The following SLC16A4 variants were observed in gnomAD, a reference collection of about 807,000 sequenced individuals.
The protein encoded by SLC16A4 is probable monocarboxylate transporter 5.
A neutral mutation model predicts 47.9 loss-of-function variants in SLC16A4; 39 were observed. The ratio of observed to expected loss-of-function variants is 0.81; its 90% CI spans 0.63 to 1.06. The LOEUF is 1.06. SLC16A4 is among the 50% of genes least tolerant of loss of function. SLC16A4 has a pLI of 0.00. For missense variants in SLC16A4, 524 were observed against 573.8 expected, an observed-to-expected ratio of 0.91 and a Z score of 0.89; for synonymous variants, 189 against 199.9, an observed-to-expected ratio of 0.95 and a Z score of 0.46.
At chr1:110,374,188 C>T (rs1022987911) in intron 8 of SLC16A4, among the ~76,000 whole-genome samples, 2 of 152,004 alleles carry the variant, frequency 1.3e-5, no homozygotes, top group African/African-American at 2.4e-5. Context: ...TTATAGGCAT[C>T]TGCCATTACA....
chr1:110,379,460 C>A, intron 5 of SLC16A4, 104 bp from the exon 6 acceptor site: 1 of 1,045,680 alleles, frequency 9.6e-7, no homozygotes. Context: ...CCCATTAATT[C>A]TTGAAAACAT....
chr1:110,364,736 C>G (rs142770868), intron 8 of SLC16A4, among the ~76,000 whole-genome samples: 1,827 of 152,130 alleles, frequency 0.012, 50 homozygotes, highest in African/African-American at 0.042. Context: ...GTCTTGAACT[C>G]CTGACCTCCA....
chr1:110,380,847 A>G (rs1662339325), intron 5 of SLC16A4, 135 bp downstream of exon 5: 1 of 751,436 alleles, frequency 1.3e-6, no homozygotes, highest in East Asian at 2.5e-5. Flanking sequence ...TACTTTAGAA[A>G]TTATGCTCAT....
intron 2 of SLC16A4, among the ~76,000 whole-genome samples, chr1:110,385,041 C>G (rs1453148538): frequency 6.6e-6 from 1 of 152,056 alleles, no homozygotes; most frequent in Non-Finnish European, 1.5e-5. Flanking sequence ...AACCACAAAG[C>G]CTTAGGTTCC....
At chr1:110,374,338 G>C (rs1224554645) in intron 8 of SLC16A4, among the ~76,000 whole-genome samples, 1 of 152,164 alleles carries the variant, frequency 6.6e-6, no homozygotes, top group East Asian at 1.9e-4. Context: ...ACTGCGCCTG[G>C]CCCCTTTCTC....
chr1:110,364,880 T>C (rs1211013583), intron 8 of SLC16A4, among the ~76,000 whole-genome samples: 1 of 152,030 alleles, frequency 6.6e-6, no homozygotes, highest in Non-Finnish European at 1.5e-5. Context: ...ATACTAAAAC[T>C]TAAGCGAAAC....
At chr1:110,373,592 G>A (rs1053188030) in intron 8 of SLC16A4, among the ~76,000 whole-genome samples, 20 of 151,764 alleles carry the variant, frequency 1.3e-4, no homozygotes, top group African/African-American at 4.8e-4. Context: ...AGAGTTGGTT[G>A]CATATTTATG....
Position 110,375,545 on chromosome 1 carries a change from G to A in SLC16A4, c.1249C>T (p.Leu417=). 6.3e-7 allele frequency: 1 copy of A among 1,588,422 alleles called. No individual in the cohort carries two copies. Among genetic ancestry groups the A allele is most frequent in the Non-Finnish European group, 8.6e-7 (1 of 1,156,772 alleles). ...CTGTTTACTGTAGAATTCCTACACAGATCAACCTGTAGGAATTAGAATTCA... is the reference window on the plus strand; with the variant it reads ...CTGTTTACTGTAGAATTCCTACACAAATCAACCTGTAGGAATTAGAATTCA... The part of the protein sequence containing the change: ...LALILPVLVD[L]CRNSTVNRFL... The change falls in exon 8 of 9, where the codon CTG becomes TTG. Residue 417 remains leucine, a synonymous_variant. Coordinates refer to ENST00000369779, the MANE Select transcript of SLC16A4 (RefSeq NM_004696.3).
chr1:110,382,520 A>G (rs1477067348), intron 3 of SLC16A4, among the ~76,000 whole-genome samples: 1 of 152,186 alleles, frequency 6.6e-6, no homozygotes, highest in Non-Finnish European at 1.5e-5. Context: ...TTCATGGCCT[A>G]ACTTCCAGGT....
At chr1:110,386,127 G>A (rs1390095023) in intron 2 of SLC16A4, among the ~76,000 whole-genome samples, 1 of 152,202 alleles carries the variant, frequency 6.6e-6, no homozygotes, top group Admixed American at 6.5e-5. Context: ...CCAGTTCAGA[G>A]CTTTTCATCT....
At chr1:110,364,158 G>A (rs6669004) in intron 8 of SLC16A4, among the ~76,000 whole-genome samples, 115,783 of 152,108 alleles carry the variant, frequency 0.76, 44,316 homozygotes, top group African/African-American at 0.83. Context: ...TTATTAGAAG[G>A]CCGCTATTAT....
In SLC16A4 at chr1:110,363,792, C is replaced by T. The variant is rs766891239; in HGVS notation, c.1438G>A (p.Glu480Lys). Residue 480 changes from glutamate (E) to lysine (K), a missense_variant, in exon 9 of 9, where the codon GAA becomes AAA. By Grantham distance (56) the Glu-to-Lys change is moderately conservative (BLOSUM62 1). Transcript: ENST00000369779. Reference protein sequence around the residue: ...SVSFFFVPLAERWKNSLT With the variant: ...SVSFFFVPLAKRWKNSLT ...CAGGTCAGACTGTTTTTCCATCTTT[C>T]GGCCAATGGTACAAAAAAAAAGGAA... 7.5e-6 allele frequency: 12 copies of T among 1,607,850 alleles called. No homozygotes were observed. The South Asian group carries it at 8.9e-5, about 12-fold the overall frequency.
At position 110,378,840 on chromosome 1, in the gene SLC16A4, T is replaced by C. The variant is rs1303375547; in HGVS notation, c.1030+13A>G. 1.9e-6 allele frequency: 3 copies of C among 1,587,052 alleles called. No individual in the cohort carries two copies. In the African/African-American group the frequency reaches 4.1e-5, roughly 21 times the overall value. On this transcript the variant is annotated intron_variant, in intron 6 of 8. Coordinates refer to ENST00000369779, the MANE Select transcript of SLC16A4 (RefSeq NM_004696.3). Reference sequence around the variant, plus strand: ...TTTCCTTTTGGGTAGGAGGCTGATGTAGGCTTTCTTACCTGCTACAGAAAC... The same window carrying C: ...TTTCCTTTTGGGTAGGAGGCTGATGCAGGCTTTCTTACCTGCTACAGAAAC...
chr1:110,366,128 A>ACACACACACACACT (rs1358916877), intron 8 of SLC16A4, among the ~76,000 whole-genome samples: 2 of 139,904 alleles, frequency 1.4e-5, no homozygotes, highest in East Asian at 4.0e-4. Context: ...ACACACACAC[A>ACACACACACACACT]CACACTCTTT....
intron 6 of SLC16A4, 120 bp downstream of exon 6, chr1:110,378,733 T>C: frequency 1.5e-6 from 2 of 1,323,600 alleles, no homozygotes; most frequent in Non-Finnish European, 2.0e-6. Context: ...AATTTTACTT[T>C]CTCTGGCCCT....
chr1:110,364,521 GAGAC>G (rs1661268132), intron 8 of SLC16A4, among the ~76,000 whole-genome samples: 4 of 38,234 alleles, frequency 1.0e-4, no homozygotes, highest in Non-Finnish European at 2.1e-4. Context: ...TTTTTTTTTT[GAGAC>G]AGAGGCTTGC....
intron 2 of SLC16A4, among the ~76,000 whole-genome samples, chr1:110,384,520 G>A (rs1033821778): frequency 3.9e-5 from 6 of 152,164 alleles, no homozygotes; most frequent in African/African-American, 7.2e-5. Context: ...CTAGTTAGCC[G>A]GGGGGCTGTT....
At position 110,380,373 on chromosome 1, in the gene SLC16A4, A is replaced by G. The variant is rs371267988; in HGVS notation, c.526+609T>C. On this transcript the variant is annotated intron_variant, in intron 5 of 8. Transcript: ENST00000369779. ...TAGGCATATGAATACACACATATACATGTATTTTTTCCAGTAGTTTAGGAT... is the reference window on the plus strand; with the variant it reads ...TAGGCATATGAATACACACATATACGTGTATTTTTTCCAGTAGTTTAGGAT... 2.0e-5 allele frequency among the ~76,000 whole-genome samples: 3 copies of G among 152,280 alleles called. No homozygotes were observed. The East Asian group carries it at 5.8e-4, about 29-fold the overall frequency.
At chr1:110,387,006 C>T (rs1039553864) in intron 2 of SLC16A4, among the ~76,000 whole-genome samples, 1 of 152,186 alleles carries the variant, frequency 6.6e-6, no homozygotes. Context: ...TCTATCACAT[C>T]CCTGCTTAAT....
Sources: gnomAD v4.1 joint callset for allele counts (sites outside exome capture counted in the v4.1 genomes callset) on GRCh38, gnomAD v4.1.1 for gene constraint, MANE v1.5 for transcripts, NCBI Gene and HGNC (gene_info 2026-07-23, HGNC 2026-07-21) for gene names.